Variants in BCAS3 observed in about 807,000 individuals in gnomAD.
The protein encoded by BCAS3 is BCAS4/BCAS3 fusion.
A neutral mutation model predicts 116.1 loss-of-function variants in BCAS3; 53 were observed. That is an observed-to-expected ratio of 0.46 (90% CI 0.37 to 0.57). The LOEUF (loss-of-function observed/expected upper bound fraction) is 0.57, where lower values mean the gene tolerates loss of function less well. Among genes scored for constraint, BCAS3 ranks in the 20% least tolerant of loss-of-function variants. The pLI is 0.00. For missense variants in BCAS3, 917 were observed against 1,165.4 expected, an observed-to-expected ratio of 0.79 and a Z score of 3.10; for synonymous variants, 391 against 408.2, an observed-to-expected ratio of 0.96 and a Z score of 0.51.
chr17:61,124,069 G>GATATATATATAT lies in BCAS3; in HGVS notation c.2425+39506_2425+39507insTATATATATATA, dbSNP rs1403274930. Among the ~76,000 whole-genome samples the GATATATATATAT allele has an allele frequency of 7.3e-5, 11 of 151,720 alleles. No homozygotes were observed. The highest frequency in any genetic ancestry group is 2.2e-4 in the African/African-American group (9 of 41,384). ...TGTTATTTCAAACTTGTATCTAGGA[G>GATATATATATAT]AGAGATATATATATATACATATATA... is the stretch of plus-strand genomic sequence containing the variant. On this transcript the variant is annotated intron_variant, in intron 22 of 23. Transcript: ENST00000407086. This position sits in a 1 kb window ranked among gnomAD's most constrained non-coding sequence, Gnocchi z 4.6.
At chr17:61,010,533 A>G (rs934513239) in intron 15 of BCAS3, among the ~76,000 whole-genome samples, 1 of 151,940 alleles carries the variant, frequency 6.6e-6, no homozygotes, top group African/African-American at 2.4e-5. Flanking sequence ...AAACATAGAA[A>G]GTCAGTGGTT....
rs577340004 is a variant in BCAS3, at chr17:60,734,033, T to C, written c.322-13165T>C. 3.9e-5 allele frequency among the ~76,000 whole-genome samples: 6 copies of C among 152,352 alleles called. No homozygotes were observed. In the East Asian group the frequency reaches 1.2e-3, roughly 29 times the overall value. ...TAACCAAGTCTAGCTTATTTTTTTC[T>C]TACATGGATGGTGCTATTGGTGTAT... On this transcript the variant is annotated intron_variant, in intron 5 of 23. Coordinates refer to ENST00000407086, the MANE Select transcript of BCAS3 (RefSeq NM_017679.5).
rs911305017 is a variant in BCAS3, at chr17:61,139,138, C to T, written c.2425+54574C>T. 5.3e-5 allele frequency among the ~76,000 whole-genome samples: 8 copies of T among 151,868 alleles called. No homozygotes were observed. Among genetic ancestry groups the T allele is most frequent in the Admixed American group, 3.9e-4 (6 of 15,234 alleles). ...TATCTTTTTATTTATACCTATTTTCCCCCTGTACTTGTATTGCTAGTGATA... is the reference window on the plus strand; with the variant it reads ...TATCTTTTTATTTATACCTATTTTCTCCCTGTACTTGTATTGCTAGTGATA... On this transcript the variant is annotated intron_variant, in intron 22 of 23. Transcript: ENST00000407086. This position sits in a 1 kb window ranked among gnomAD's most constrained non-coding sequence, Gnocchi z 4.7.
At chr17:60,897,892 T>A (rs2057615175) in intron 10 of BCAS3, among the ~76,000 whole-genome samples, 1 of 142,806 alleles carries the variant, frequency 7.0e-6, no homozygotes, top group Middle Eastern at 3.4e-3. Context: ...ATTTTTTTAA[T>A]TTTTATTTTA....
chr17:60,924,630 G>T, intron 13 of BCAS3, 130 bp downstream of exon 13: 2 of 576,438 alleles, frequency 3.5e-6, no homozygotes. Flanking sequence ...AAGTTATTAA[G>T]TCATTATATT....
intron 19 of BCAS3, chr17:61,069,849 A>AG: frequency 1.1e-6 from 1 of 869,732 alleles, no homozygotes; most frequent in East Asian, 2.4e-5. Context: ...AAAAAAAAAA[A>AG]AAAAAAGACC....
At chr17:61,107,482 T>C (rs536035367) in intron 22 of BCAS3, among the ~76,000 whole-genome samples, 1 of 152,290 alleles carries the variant, frequency 6.6e-6, no homozygotes, top group African/African-American at 2.4e-5. Flanking sequence ...GCTCATTTCT[T>C]CCTGCTCCAT....
intron 22 of BCAS3, among the ~76,000 whole-genome samples, chr17:61,107,595 G>C (rs1213353954): frequency 6.6e-6 from 1 of 152,144 alleles, no homozygotes; most frequent in Non-Finnish European, 1.5e-5. Context: ...TTAAGAAATT[G>C]AATTTTACGA....
intron 22 of BCAS3, among the ~76,000 whole-genome samples, chr17:61,123,004 C>T (rs796379636): frequency 6.8e-6 from 1 of 147,606 alleles, no homozygotes; most frequent in Non-Finnish European, 1.5e-5. Flanking sequence ...TGCAATGGTG[C>T]GATCTTGGCT....
At chr17:60,727,574 A>C in intron 5 of BCAS3, 1 of 963,350 alleles carries the variant, frequency 1.0e-6, no homozygotes, top group Non-Finnish European at 1.5e-6. Flanking sequence ...ACAGGAAAGG[A>C]AAAAACAGAC....
Position 60,868,772 on chromosome 17 carries a change from A to G in BCAS3, c.584+89A>G, listed in dbSNP as rs182399122. On this transcript the variant is annotated intron_variant, in intron 8 of 23. Coordinates refer to ENST00000407086, the MANE Select transcript of BCAS3 (RefSeq NM_017679.5). ...CTCTACCAGTTTCAATGACTAACTT[A>G]GATTTATTTTTAAAAATCTCAAGGA... The G allele has an allele frequency of 1.1e-4, 78 of 680,334 alleles. No individual in the cohort carries two copies. In the African/African-American group the frequency reaches 1.3e-3, roughly 11 times the overall value. 42.1% of individuals were successfully genotyped at this position (680,334 alleles called of 1,614,324 possible).
chr17:61,370,081 G>T (rs189391072), intron 23 of BCAS3, among the ~76,000 whole-genome samples: 26 of 152,302 alleles, frequency 1.7e-4, no homozygotes, highest in Middle Eastern at 6.8e-3. Flanking sequence ...CACAGCTGTG[G>T]AACTTCAGCC....
At chr17:60,802,706 G>A (rs978916731) in intron 6 of BCAS3, among the ~76,000 whole-genome samples, 2 of 152,090 alleles carry the variant, frequency 1.3e-5, no homozygotes, top group Admixed American at 1.3e-4. Flanking sequence ...CAATGGTGCC[G>A]TCTGGGCTCA....
At chr17:60,799,518 GTGTT>G (rs1364331073) in intron 6 of BCAS3, among the ~76,000 whole-genome samples, 5 of 115,192 alleles carry the variant, frequency 4.3e-5, no homozygotes, top group African/African-American at 2.1e-4. Flanking sequence ...TTTGAGATTA[GTGTT>G]TGTTTTTTTT....
At chr17:61,027,826 A>C (rs1387101437) in intron 16 of BCAS3, among the ~76,000 whole-genome samples, 1 of 151,940 alleles carries the variant, frequency 6.6e-6, no homozygotes, top group Non-Finnish European at 1.5e-5. Context: ...AGTATATAAC[A>C]GTGCCTGGCA....
At chr17:61,009,297 C>G (rs1420624942) in intron 15 of BCAS3, among the ~76,000 whole-genome samples, 2 of 152,054 alleles carry the variant, frequency 1.3e-5, no homozygotes, top group Non-Finnish European at 2.9e-5. Flanking sequence ...ATACTTACCT[C>G]ATATGTCTAA....
At chr17:61,081,910 G>C (rs1380486231) in intron 21 of BCAS3, among the ~76,000 whole-genome samples, 1 of 152,080 alleles carries the variant, frequency 6.6e-6, no homozygotes, top group Non-Finnish European at 1.5e-5. Flanking sequence ...TAGATTTTTT[G>C]GGGCTCACCT....
Position 60,995,194 on chromosome 17 carries a change from C to T in BCAS3, c.1486+4959C>T, listed in dbSNP as rs1385009286. On this transcript the variant is annotated intron_variant, in intron 15 of 23. Transcript: ENST00000407086. The surrounding 1 kb of genome is among the most constrained non-coding windows in gnomAD (Gnocchi z 4.7). ...TTTAGACGGAGTCTTGCTCTGTCTC[C>T]CAGGCTAGAGTGCAGTGGTGCAATC... 6.6e-6 allele frequency among the ~76,000 whole-genome samples: 1 copy of T among 151,936 alleles called. No homozygotes were observed. The highest frequency in any genetic ancestry group is 1.5e-5 in the Non-Finnish European group (1 of 67,996).
intron 19 of BCAS3, among the ~76,000 whole-genome samples, chr17:61,045,925 TA>T (rs2068104655): frequency 1.1e-4 from 2 of 18,816 alleles, no homozygotes; most frequent in African/African-American, 1.9e-3. Context: ...ATATATATAA[TA>T]TATATAAATA....
Sources: allele counts gnomAD v4.1 joint callset (sites outside exome capture counted in the v4.1 genomes callset), GRCh38; gene constraint gnomAD v4.1.1; non-coding constraint Gnocchi (gnomAD v3.1); transcripts MANE v1.5; gene names NCBI Gene and HGNC (gene_info 2026-07-23, HGNC 2026-07-21).